Variants in TTN observed in about 807,000 individuals in gnomAD.
The protein encoded by TTN is titin.
TTN carries 1,525 observed loss-of-function variants against 3,223.0 expected under a neutral mutation model. The observed-to-expected ratio is 0.47, with a 90% CI of 0.45 to 0.49. The LOEUF (loss-of-function observed/expected upper bound fraction) is 0.49. TTN is among the 20% of genes least tolerant of loss of function. The pLI is 0.00. For missense variants in TTN, 40,786 were observed against 43,424.0 expected, an observed-to-expected ratio of 0.94 and a Z score of 5.40; for synonymous variants, 14,094 against 15,161.0, an observed-to-expected ratio of 0.93 and a Z score of 5.17.
intron 6 of TTN, among the ~76,000 whole-genome samples, chr2:178,795,527 A>G (rs865967999): frequency 2.6e-5 from 4 of 152,318 alleles, no homozygotes; most frequent in South Asian, 4.1e-4. Flanking sequence ...AAAAAAAAAA[A>G]AAATCACAAC....
Position 178,545,948 on chromosome 2 carries a change from G to A in TTN, c.95288C>T (p.Pro31763Leu). The A allele has an allele frequency of 1.2e-6, 2 of 1,613,812 alleles. No individual in the cohort carries two copies. Among genetic ancestry groups the A allele is most frequent in the Non-Finnish European group, 1.7e-6 (2 of 1,179,792 alleles). ...CCTGGTAACGACATAGGATAGGGTT[G>A]GGCATTCGCCTTCAACAATCACCCA... ...LNWVIVEGECPTLSYVVTRLI... is the reference protein window; with the variant it reads ...LNWVIVEGECLTLSYVVTRLI... The change falls in exon 343 of 363, where the codon CCA (proline) becomes CTA (leucine). Residue 31763 changes from proline to leucine, a missense_variant. Transcript: ENST00000589042.
In TTN at chr2:178,534,325, AG is replaced by A. The variant is rs2154135814; in HGVS notation, c.102289del (p.Leu34097Ter). On this transcript the variant is annotated frameshift_variant, in exon 358 of 363. Coordinates refer to ENST00000589042, the MANE Select transcript of TTN (RefSeq NM_001267550.2). LOFTEE classifies it high-confidence loss of function. ...AACCATGTTGAGGTCTTTCTTGATC[AG>A]GGTGTGGTAATAACGCCGGTGTTTT... The part of the protein sequence containing the change: ...TLKHRRYYHT[L>X]IKKDLNMVVS... The A allele has an allele frequency of 1.9e-6, 3 of 1,613,378 alleles. No individual in the cohort carries two copies. The highest frequency in any genetic ancestry group is 2.5e-6 in the Non-Finnish European group (3 of 1,179,842).
intron 1 of TTN, 88 bp from the exon 2 acceptor site, chr2:178,804,743 C>A: frequency 8.4e-7 from 1 of 1,196,650 alleles, no homozygotes; most frequent in Non-Finnish European, 1.2e-6. Flanking sequence ...CACGTTTCTC[C>A]AAATGGATTG....
chr2:178,579,422 T>G, intron 319 of TTN, 29 bp from the exon 320 acceptor site: 1 of 1,554,244 alleles, frequency 6.4e-7, no homozygotes, highest in African/African-American at 1.4e-5. Context: ...AAATTACTGT[T>G]ATTTTTAAGG....
Position 178,552,026 on chromosome 2 carries a change from C to T in TTN, c.90874G>A (p.Asp30292Asn). 6.2e-7 allele frequency: 1 copy of T among 1,613,476 alleles called. No individual in the cohort carries two copies. Among genetic ancestry groups the T allele is most frequent in the South Asian group, 1.1e-5 (1 of 91,026 alleles). Residue 30292 changes from aspartate to asparagine, a missense_variant, in exon 335 of 363, where the codon GAT (aspartate) becomes AAT (asparagine). Physicochemically the swap from Asp to Asn is conservative, Grantham distance 23. Coordinates refer to ENST00000589042, the MANE Select transcript of TTN (RefSeq NM_001267550.2). ...CTCACTCTAAACTGGTACTCAGCAT[C>T]TTTGACTAGATTAGGAACTTTGAAA... is the stretch of plus-strand genomic sequence containing the variant. ...TTFKVPNLVK[D>N]AEYQFRVRAE...
At position 178,538,259 on chromosome 2, in the gene TTN, C is replaced by A. The variant is rs1431425458; in HGVS notation, c.99289+281G>T. The A allele has an allele frequency of 1.1e-5, 5 of 460,950 alleles. No homozygotes were observed. In the East Asian group the frequency reaches 1.7e-4, roughly 16 times the overall value. The allele number at this position is 460,950 out of a possible 1,614,324, so 28.6% of individuals were successfully genotyped here. A position where few individuals can be genotyped will look rare whatever the true frequency, so the allele number is the denominator to read the frequency against. On this transcript the variant is annotated intron_variant, in intron 354 of 362. Transcript: ENST00000589042. ...ATTGAAGTGGCATACAATTGTTGAC[C>A]TTTCAAATCTTGTTGGGAAATATTT... is the stretch of plus-strand genomic sequence containing the variant.
chr2:178,626,879 C>T (rs2059132899), intron 240 of TTN, among the ~76,000 whole-genome samples: 3 of 151,660 alleles, frequency 2.0e-5, no homozygotes, highest in African/African-American at 7.3e-5. Context: ...ATCTGAGTTC[C>T]TCTGTAGCTA....
chr2:178,725,095 C>A, intron 71 of TTN: 1 of 351,028 alleles, frequency 2.8e-6, no homozygotes, highest in Non-Finnish European at 5.1e-6. Flanking sequence ...GCTCTGTATT[C>A]TTTCATGCTT....
Position 178,539,971 on chromosome 2 carries a change from A to C in TTN, c.98099-5T>G. The C allele has an allele frequency of 6.2e-7, 1 of 1,609,024 alleles. No individual in the cohort carries two copies. Among genetic ancestry groups the C allele is most frequent in the Non-Finnish European group, 8.5e-7 (1 of 1,176,400 alleles). ...CAAGTTCATAATCAGGATATTCTGG[A>C]AAAAAAGGTAGGGTTTCAATTTAGC... On this transcript the variant is annotated splice_region_variant and splice_polypyrimidine_tract_variant and intron_variant, in intron 351 of 362. Coordinates refer to ENST00000589042, the MANE Select transcript of TTN (RefSeq NM_001267550.2).
Position 178,728,171 on chromosome 2 carries a change from G to A in TTN, c.19653C>T (p.Tyr6551=). 6.2e-7 allele frequency: 1 copy of A among 1,611,274 alleles called. No individual in the cohort carries two copies. Residue 6551 remains tyrosine, a synonymous_variant, in exon 67 of 363, where the codon TAC becomes TAT. Transcript: ENST00000589042. The stretch of plus-strand genomic sequence containing the variant: ...CTGCTACATTTGACACTTTGCATGT[G>A]TAATTTGCAGTATCTTCTAATTCCA... The part of the protein sequence containing the change: ...NNLELEDTAN[Y]TCKVSNVAGD...
rs79191856 is a variant in TTN at position 178,697,121 on chromosome 2, C to G, written c.30802G>C (p.Ala10268Pro). ...ATAAAAATAATTTATCTTTATTTAC[C>G]TTTTGCTGGAATTAAGGTAGTAGGA... ...PPPTTLIPAKAPEIIDVSSKA... is the reference protein window; with the variant it reads ...PPPTTLIPAKPPEIIDVSSKA... The change falls in exon 113 of 363, where the codon GCT (alanine) becomes CCT (proline). Residue 10268 changes from alanine to proline, a missense_variant and splice_region_variant. By Grantham distance (27) the Ala-to-Pro change is conservative (BLOSUM62 -1). Transcript: ENST00000589042. 1.3e-6 allele frequency: 2 copies of G among 1,547,440 alleles called. No homozygotes were observed. The highest frequency in any genetic ancestry group is 2.7e-5 in the African/African-American group (2 of 72,860).
intron 240 of TTN, among the ~76,000 whole-genome samples, chr2:178,626,467 C>T (rs1391729526): frequency 6.6e-6 from 1 of 151,920 alleles, no homozygotes; most frequent in Non-Finnish European, 1.5e-5. Context: ...ACTGATTTTG[C>T]ACTGCTTAAG....
chr2:178,731,717 A>ACCCT lies in TTN; in HGVS notation c.17157_17158insAGGG (p.Cys5720ArgfsTer51). Reference sequence around the variant, plus strand: ...CCTCTTAAAGTCACCCTGGCACTGCAGATGCTGCTGCCCACCTCATTGGTC... The same window carrying ACCCT: ...CCTCTTAAAGTCACCCTGGCACTGCACCCTGATGCTGCTGCCCACCTCATTGGTC... On this transcript the variant is annotated frameshift_variant, in exon 58 of 363. Coordinates refer to ENST00000589042, the MANE Select transcript of TTN (RefSeq NM_001267550.2). LOFTEE classifies it high-confidence loss of function. 6.2e-7 allele frequency: 1 copy of ACCCT among 1,612,410 alleles called. No homozygotes were observed.
rs1687040210 is a variant in TTN, at chr2:178,527,714, C to T, written c.107412G>A (p.Leu35804=). ...LVEEPSREVV[L]RTSGDTSLQG... ...GCAAGCTTGTGTCACCACTTGTTCT[C>T]AATACTACCTCTCTGGAAGGTTCTT... The change falls in exon 362 of 363, where the codon TTG becomes TTA. Residue 35804 remains leucine, a synonymous_variant. Coordinates refer to ENST00000589042, the MANE Select transcript of TTN (RefSeq NM_001267550.2). 3.7e-6 allele frequency: 6 copies of T among 1,609,832 alleles called. No individual in the cohort carries two copies. The highest frequency in any genetic ancestry group is 5.1e-6 in the Non-Finnish European group (6 of 1,177,002).
In TTN at chr2:178,530,972, T is replaced by G. The variant is rs769195414; in HGVS notation, c.105643A>C (p.Thr35215Pro). The G allele has an allele frequency of 5.6e-6, 9 of 1,613,820 alleles. No individual in the cohort carries two copies. The highest frequency in any genetic ancestry group is 1.7e-5 in the Admixed American group (1 of 59,994). ...ACCCTGGCCTTTTGAATAGTCAGAG[T>G]GAACTCTGCTTCTTGTTTCCCTTCA... Reference protein sequence around the residue: ...NSEGKQEAEFTLTIQKARVTE... With the variant: ...NSEGKQEAEFPLTIQKARVTE... Residue 35215 changes from threonine to proline, a missense_variant, in exon 358 of 363, where the codon ACT becomes CCT. Transcript: ENST00000589042.
rs758770490 is a variant in TTN, at chr2:178,695,417, TAAA to T, written c.31208-10_31208-8del. 2.5e-6 allele frequency: 4 copies of T among 1,611,394 alleles called. No individual in the cohort carries two copies. In the African/African-American group the frequency reaches 5.3e-5, roughly 21 times the overall value. On this transcript the variant is annotated splice_polypyrimidine_tract_variant and splice_region_variant and intron_variant, in intron 114 of 362. Transcript: ENST00000589042. ...ACTTTTCTCTCATGTGATTCTGAAA[TAAA>T]AACACAGGAATAAGAAGGGATGCTT...
chr2:178,698,916 T>TA lies in TTN; in HGVS notation c.30683-3dup, dbSNP rs368277751. On this transcript the variant is annotated splice_polypyrimidine_tract_variant and splice_region_variant and intron_variant, in intron 111 of 362. Transcript: ENST00000589042. ...CTTTCTTCACAGCCTTTTTGGTAAC[T>TA]AAAAAAAAAAAAAAAGAAAAAAAAA... The TA allele has an allele frequency of 0.091, 114,639 of 1,262,662 alleles. 152 individuals are homozygous for TA. Among genetic ancestry groups the TA allele is most frequent in the Non-Finnish European group, 0.1 (98,630 of 976,952 alleles). 78.2% of individuals were successfully genotyped at this position (1,262,662 alleles called of 1,614,324 possible).
chr2:178,770,297 T>C lies in TTN; in HGVS notation c.8404A>G (p.Lys2802Glu), dbSNP rs1294814423. ...VETVKIIKKP[K>E]DVTALENATV... The stretch of plus-strand genomic sequence containing the variant: ...GCATTTTCCAAGGCTGTCACATCCT[T>C]TGGCTTTTTAATGATCTTGACAGCT... The change falls in exon 36 of 363, where the codon AAG becomes GAG. Residue 2802 changes from lysine (K) to glutamate (E), a missense_variant. Lys to Glu is a moderately conservative substitution (Grantham distance 56). Coordinates refer to ENST00000589042, the MANE Select transcript of TTN (RefSeq NM_001267550.2). 6.2e-7 allele frequency: 1 copy of C among 1,614,126 alleles called. No individual in the cohort carries two copies. Among genetic ancestry groups the C allele is most frequent in the East Asian group, 2.2e-5 (1 of 44,866 alleles).
chr2:178,579,074 TTTGA>T lies in TTN; in HGVS notation c.67952_67955del (p.Ile22651AsnfsTer10), dbSNP rs2047099006. The T allele has an allele frequency of 6.2e-7, 1 of 1,613,222 alleles. No individual in the cohort carries two copies. The highest frequency in any genetic ancestry group is 1.7e-5 in the Admixed American group (1 of 59,964). On this transcript the variant is annotated frameshift_variant, in exon 320 of 363. Coordinates refer to ENST00000589042, the MANE Select transcript of TTN (RefSeq NM_001267550.2). LOFTEE classifies it high-confidence loss of function. ...TGGCTTCTGCTGTGACTTCATCAAATTTGATTGGTCCAGTGGGGATGCCAGGCTT... is the reference window on the plus strand; with the variant it reads ...TGGCTTCTGCTGTGACTTCATCAAATTTGGTCCAGTGGGGATGCCAGGCTT...
Sources: allele counts gnomAD v4.1 joint callset (sites outside exome capture counted in the v4.1 genomes callset), GRCh38; gene constraint gnomAD v4.1.1; transcripts MANE v1.5; gene names NCBI Gene and HGNC (gene_info 2026-07-23, HGNC 2026-07-21).